Variants in ATXN7L3 observed in about 807,000 individuals in gnomAD.
ATXN7L3 encodes ataxin 7 like 3.
In ATXN7L3, 6 loss-of-function variants were observed where a neutral mutation model predicts 50.0. The observed-to-expected ratio is 0.12, with a 90% CI of 0.07 to 0.24. The LOEUF (loss-of-function observed/expected upper bound fraction) is 0.24. Among genes scored for constraint, ATXN7L3 ranks in the 10% least tolerant of loss-of-function variants. ATXN7L3 has a pLI of 1.00. For synonymous variants in ATXN7L3, 198 were observed against 165.8 expected, an observed-to-expected ratio of 1.19 and a Z score of -1.49; for missense variants, 322 against 451.3, an observed-to-expected ratio of 0.71 and a Z score of 2.60.
intron 5 of ATXN7L3, 110 bp downstream of exon 5, chr17:44,196,819 C>T (rs920431853): frequency 5.3e-6 from 3 of 566,554 alleles, no homozygotes; most frequent in Non-Finnish European, 6.4e-6. Flanking sequence ...AATCGCGTAA[C>T]TACACTCTCT....
chr17:44,195,295 AT>A (rs1432940862), intron 9 of ATXN7L3, 123 bp downstream of exon 9: 6 of 1,370,746 alleles, frequency 4.4e-6, no homozygotes, highest in Non-Finnish European at 5.2e-6. Flanking sequence ...GGGAAACCTA[AT>A]TCCAGACAGA....
chr17:44,197,465 C>T, intron 3 of ATXN7L3, 66 bp from the exon 4 acceptor site: 2 of 1,571,914 alleles, frequency 1.3e-6, no homozygotes, highest in Non-Finnish European at 1.7e-6. Context: ...CACCTGGGGT[C>T]CCACGGCCTC....
intron 2 of ATXN7L3, 139 bp from the exon 3 acceptor site, chr17:44,197,869 T>C: frequency 1.3e-6 from 2 of 1,527,020 alleles, no homozygotes; most frequent in Non-Finnish European, 1.8e-6. Flanking sequence ...TCGTGTTCTT[T>C]CTTCTTCCTG....
rs752585762 is a variant in ATXN7L3, at chr17:44,194,368, G to A, written c.939C>T (p.Ser313=). 6.2e-7 allele frequency: 1 copy of A among 1,614,208 alleles called. No homozygotes were observed. The highest frequency in any genetic ancestry group is 1.1e-5 in the South Asian group (1 of 91,086). The change falls in exon 13 of 13, where the codon TCC becomes TCT. Residue 313 remains serine, a synonymous_variant. Coordinates refer to ENST00000587097, the MANE Select transcript of ATXN7L3 (RefSeq NM_001382309.1). ...AGGCAGTCCCTACCAGGCTCAGATG[G>A]GATTTCTTTTTCTTGGTTTTCCGTG... ...SESRKTKKKK[S]HLSLVGTASG...
chr17:44,193,597 A>G lies in ATXN7L3; in HGVS notation c.*666T>C, dbSNP rs1409485511. The G allele has an allele frequency of 6.6e-5, 10 of 152,242 alleles. No individual in the cohort carries two copies. The highest frequency in any genetic ancestry group is 4.6e-4 in the Admixed American group (7 of 15,286). 9.4% of individuals were successfully genotyped at this position (152,242 alleles called of 1,614,324 possible). ...TGGAGGCCCTTTCCTGGCACCCAAC[A>G]AAAGGACAGCTCCTGCTGCCAAGGA... On this transcript the variant is annotated 3_prime_UTR_variant, in exon 13 of 13. Coordinates refer to ENST00000587097, the MANE Select transcript of ATXN7L3 (RefSeq NM_001382309.1).
At chr17:44,198,338 G>A in intron 1 of ATXN7L3, 1 of 454,930 alleles carries the variant, frequency 2.2e-6, no homozygotes, top group East Asian at 3.6e-5. Context: ...TCAGGCCCTG[G>A]ACTCCACTGC....
Position 44,195,781 on chromosome 17 carries a change from A to C in ATXN7L3, c.552+19T>G, listed in dbSNP as rs2144475891. 1 of 1,594,668 alleles carries C rather than the reference A, an allele frequency of 6.3e-7. No individual in the cohort carries two copies. Among genetic ancestry groups the C allele is most frequent in the African/African-American group, 1.3e-5 (1 of 74,540 alleles). The stretch of plus-strand genomic sequence containing the variant: ...AACCAGGACAATGAGAGCAAGCATG[A>C]GGGGCGGCCCATACTCACCTTAAAA... On this transcript the variant is annotated intron_variant, in intron 8 of 12. Transcript: ENST00000587097.
At chr17:44,195,227 C>T in intron 9 of ATXN7L3, 87 bp from the exon 10 acceptor site, 1 of 1,488,628 alleles carries the variant, frequency 6.7e-7, no homozygotes, top group Non-Finnish European at 9.4e-7. Flanking sequence ...TGCTAGATAG[C>T]ACAAGCAGAG....
Position 44,192,380 on chromosome 17 carries a change from C to T in ATXN7L3, c.*1883G>A, listed in dbSNP as rs2055721231. The T allele has an allele frequency of 6.6e-6, 1 of 152,426 alleles. No homozygotes were observed. 9.4% of individuals were successfully genotyped at this position (152,426 alleles called of 1,614,324 possible). Reference sequence around the variant, plus strand: ...CCAAGCTACTTCCCACTTCTCCCTCCTCCAACCAGAAGGGGGGAAAAGGGA... The same window carrying T: ...CCAAGCTACTTCCCACTTCTCCCTCTTCCAACCAGAAGGGGGGAAAAGGGA... On this transcript the variant is annotated 3_prime_UTR_variant, in exon 13 of 13. Coordinates refer to ENST00000587097, the MANE Select transcript of ATXN7L3 (RefSeq NM_001382309.1).
In ATXN7L3 at chr17:44,194,345, G is replaced by A. The variant is rs766635887; in HGVS notation, c.962C>T (p.Ala321Val). The change falls in exon 13 of 13, where the codon GCC (alanine) becomes GTC (valine). Residue 321 changes from alanine to valine, a missense_variant. By Grantham distance (64) the Ala-to-Val change is moderately conservative (BLOSUM62 0). Transcript: ENST00000587097. ...CTTCTTGTTGGAACCTAGGCCGGAGGCAGTCCCTACCAGGCTCAGATGGGA... is the reference window on the plus strand; with the variant it reads ...CTTCTTGTTGGAACCTAGGCCGGAGACAGTCCCTACCAGGCTCAGATGGGA... Reference protein sequence around the residue: ...KKSHLSLVGTASGLGSNKKKK... With the variant: ...KKSHLSLVGTVSGLGSNKKKK... 5 of 1,614,096 alleles carry A rather than the reference G, an allele frequency of 3.1e-6. No individual in the cohort carries two copies. In the South Asian group the frequency reaches 4.4e-5, roughly 14 times the overall value.
chr17:44,195,547 T>A (rs1309847205), intron 8 of ATXN7L3, 60 bp from the exon 9 acceptor site: 54 of 1,525,746 alleles, frequency 3.5e-5, no homozygotes, highest in Non-Finnish European at 4.7e-5. Flanking sequence ...AGGACAGGGG[T>A]GGAAGTGAGA....
At chr17:44,194,969 G>A in intron 10 of ATXN7L3, 128 bp downstream of exon 10, 4 of 1,460,730 alleles carry the variant, frequency 2.7e-6, no homozygotes, top group African/African-American at 1.4e-5. Context: ...GTGGCCAAAG[G>A]CCTCATCATT....
chr17:44,198,905 C>G (rs2056029161), intron 1 of ATXN7L3: 3 of 152,570 alleles, frequency 2.0e-5, no homozygotes, highest in Admixed American at 2.0e-4. Flanking sequence ...AGACACAGAA[C>G]CCACAACCCA....
chr17:44,195,226 G>A, intron 9 of ATXN7L3, 86 bp from the exon 10 acceptor site: 2 of 1,488,352 alleles, frequency 1.3e-6, no homozygotes, highest in Middle Eastern at 1.7e-4. Context: ...ATGCTAGATA[G>A]CACAAGCAGA....
At chr17:44,196,330 C>T (rs2055889754) in intron 6 of ATXN7L3, 66 bp downstream of exon 6, 2 of 1,603,846 alleles carry the variant, frequency 1.2e-6, no homozygotes, top group Non-Finnish European at 1.7e-6. Context: ...TCGAGGACTC[C>T]CTGCCCAAAG....
At chr17:44,198,965 T>G (rs983908542) in intron 1 of ATXN7L3, 2 of 151,360 alleles carry the variant, frequency 1.3e-5, no homozygotes, top group Non-Finnish European at 1.5e-5. Context: ...CGGCCTAGAG[T>G]GGGGTGGGGA....
At chr17:44,198,159 G>A in intron 1 of ATXN7L3, 29 bp from the exon 2 acceptor site, 1 of 1,335,756 alleles carries the variant, frequency 7.5e-7, no homozygotes. Flanking sequence ...GGGTGTTGTT[G>A]TGAGTCCAAG....
At chr17:44,196,371 C>T in intron 6 of ATXN7L3, 25 bp downstream of exon 6, 2 of 1,613,862 alleles carry the variant, frequency 1.2e-6, no homozygotes, top group South Asian at 2.2e-5. Context: ...CCCATTATTT[C>T]CCCAATGCCT....
chr17:44,196,777 CAA>C (rs34885873), intron 5 of ATXN7L3, 150 bp downstream of exon 5: 9,067 of 229,532 alleles, frequency 0.04, no homozygotes, highest in Non-Finnish European at 0.044. Flanking sequence ...GAATCCATCT[CAA>C]AAAAAAAAAA....
Sources: gnomAD v4.1 joint callset for allele counts on GRCh38, gnomAD v4.1.1 for gene constraint, MANE v1.5 for transcripts, NCBI Gene and HGNC (gene_info 2026-07-23, HGNC 2026-07-21) for gene names.